Variants in ERP44 observed in about 807,000 individuals in gnomAD.
The protein encoded by ERP44 is endoplasmic reticulum protein 44.
In ERP44, 25 loss-of-function variants were observed where a neutral mutation model predicts 53.4. The observed-to-expected ratio is 0.47, with a 90% confidence interval of 0.34 to 0.65. The LOEUF is 0.65. Ranked by LOEUF, ERP44 falls within the 30% of genes least tolerant of loss-of-function variation. The pLI, the probability that ERP44 is intolerant of heterozygous loss-of-function variation, is 0.01. For synonymous variants in ERP44, 145 were observed against 161.2 expected (o/e 0.90, Z 0.76); for missense variants, 338 against 493.2 (o/e 0.69, Z 2.98).
chr9:100,098,791 A>G lies in ERP44; in HGVS notation c.50T>C (p.Leu17Pro), dbSNP rs1826699200. 1.2e-6 allele frequency: 2 copies of G among 1,613,744 alleles called. No individual in the cohort carries two copies. Among genetic ancestry groups the G allele is most frequent in the Non-Finnish European group, 8.5e-7 (1 of 1,179,682 alleles). ...LSLPDLRCSL[L>P]LLVTWVFTPV... ...TGTCATTCCCTCACTCACCAGGAGC[A>G]GAAGGGAGCATCTGAGGTCGGGTAA... Residue 17 changes from leucine (L) to proline (P), a missense_variant, in exon 1 of 12, where the codon CTG becomes CCG. Transcript: ENST00000262455.
intron 10 of ERP44, chr9:99,998,347 G>A: frequency 1.8e-6 from 1 of 555,010 alleles, no homozygotes; most frequent in Non-Finnish European, 3.3e-6. Flanking sequence ...CGAACCTTTT[G>A]CCTTGCAGTT....
In ERP44 at chr9:100,069,680, A is replaced by G. The variant is rs1005602475; in HGVS notation, c.58-9508T>C. ...ATAAGATTTCTTCGTTAAATAAGTCAAAATATGGTGCAGAAATGCTTGAGA... is the reference window on the plus strand; with the variant it reads ...ATAAGATTTCTTCGTTAAATAAGTCGAAATATGGTGCAGAAATGCTTGAGA... On this transcript the variant is annotated intron_variant, in intron 1 of 11. Transcript: ENST00000262455. Among the ~76,000 whole-genome samples the G allele has an allele frequency of 3.3e-5, 5 of 152,210 alleles. 1 individual carries two copies. The highest frequency in any genetic ancestry group is 4.8e-5 in the African/African-American group (2 of 41,454).
chr9:100,024,170 A>ACAACAG (rs1830626739), intron 4 of ERP44, among the ~76,000 whole-genome samples: 1 of 149,944 alleles, frequency 6.7e-6, no homozygotes, highest in Non-Finnish European at 1.5e-5. Flanking sequence ...AACAACAACA[A>ACAACAG]CAACAACAAC....
chr9:100,068,588 C>T (rs1321356583), intron 1 of ERP44, among the ~76,000 whole-genome samples: 2 of 145,524 alleles, frequency 1.4e-5, no homozygotes, highest in African/African-American at 5.1e-5. Flanking sequence ...GCCCCCAGCC[C>T]GGCCGGCTGC....
At chr9:100,011,196 A>C (rs1021430030) in intron 8 of ERP44, among the ~76,000 whole-genome samples, 8 of 152,182 alleles carry the variant, frequency 5.3e-5, no homozygotes, top group Non-Finnish European at 1.2e-4. Flanking sequence ...AAGCAGAGGG[A>C]GCTTAAATCC....
intron 1 of ERP44, among the ~76,000 whole-genome samples, chr9:100,076,657 C>A (rs952013046): frequency 6.6e-6 from 1 of 152,174 alleles, no homozygotes; most frequent in African/African-American, 2.4e-5. Flanking sequence ...TGGGGATGGT[C>A]AGTGACTTGG....
chr9:100,089,748 T>A (rs528235899), intron 1 of ERP44, among the ~76,000 whole-genome samples: 1 of 152,236 alleles, frequency 6.6e-6, no homozygotes, highest in South Asian at 2.1e-4. Context: ...CTGTGAACAG[T>A]ATATTTTATT....
intron 4 of ERP44, among the ~76,000 whole-genome samples, chr9:100,047,857 T>C (rs1825991705): frequency 6.6e-6 from 1 of 152,068 alleles, no homozygotes; most frequent in Non-Finnish European, 1.5e-5. Flanking sequence ...ATCTAGAATA[T>C]ACAAAGAACT....
intron 4 of ERP44, among the ~76,000 whole-genome samples, chr9:100,040,369 G>T (rs970486905): frequency 4.6e-5 from 7 of 152,098 alleles, no homozygotes; most frequent in African/African-American, 1.7e-4. Context: ...AACATATGCA[G>T]ATCAATCAAT....
At chr9:100,040,832 A>C (rs7026341) in intron 4 of ERP44, among the ~76,000 whole-genome samples, 28,631 of 152,186 alleles carry the variant, frequency 0.19, 4,271 homozygotes, top group African/African-American at 0.42. Context: ...AAATCAACTT[A>C]CAAAAATCAG....
intron 1 of ERP44, among the ~76,000 whole-genome samples, chr9:100,093,173 C>T (rs1587988066): frequency 1.3e-5 from 2 of 152,188 alleles, no homozygotes; most frequent in East Asian, 3.8e-4. Context: ...TATTAAAAAT[C>T]ACAGTATACA....
chr9:100,031,255 A>G (rs964915924), intron 4 of ERP44, among the ~76,000 whole-genome samples: 2 of 152,202 alleles, frequency 1.3e-5, no homozygotes, highest in Admixed American at 1.3e-4. Flanking sequence ...TGACCTTGTA[A>G]GAATGGGTCA....
rs1830151434 is a variant in ERP44 at position 99,981,778 on chromosome 9, A to G, written c.*834T>C. 6.6e-6 allele frequency: 1 copy of G among 152,222 alleles called. No individual in the cohort carries two copies. The highest frequency in any genetic ancestry group is 1.5e-5 in the Non-Finnish European group (1 of 68,030). 9.4% of individuals were successfully genotyped at this position (152,222 alleles called of 1,614,324 possible). ...AGAAGGAGCTTAAAATTACTGAAAT[A>G]CAATTTCTCTGCTAGTTCTTCTCTT... On this transcript the variant is annotated 3_prime_UTR_variant, in exon 12 of 12. Coordinates refer to ENST00000262455, the MANE Select transcript of ERP44 (RefSeq NM_015051.3).
At chr9:100,005,030 T>C (rs1830414090) in intron 10 of ERP44, among the ~76,000 whole-genome samples, 1 of 152,204 alleles carries the variant, frequency 6.6e-6, no homozygotes, top group Non-Finnish European at 1.5e-5. Context: ...CTCTTCATGG[T>C]TTTCAGGATA....
intron 4 of ERP44, among the ~76,000 whole-genome samples, chr9:100,044,152 AAAT>A (rs574161411): frequency 1.3e-3 from 195 of 152,306 alleles, no homozygotes; most frequent in Non-Finnish European, 2.1e-3. Flanking sequence ...CATTTTTGGA[AAAT>A]AATGATAACT....
At chr9:99,998,058 G>A (rs972048198) in intron 10 of ERP44, among the ~76,000 whole-genome samples, 1 of 152,054 alleles carries the variant, frequency 6.6e-6, no homozygotes, top group Non-Finnish European at 1.5e-5. Context: ...TTTCTGTTTT[G>A]GCTAAACAAC....
chr9:100,030,466 T>C (rs552582346), intron 4 of ERP44, among the ~76,000 whole-genome samples: 105 of 152,108 alleles, frequency 6.9e-4, no homozygotes, highest in Non-Finnish European at 1.2e-3. Flanking sequence ...AAAGAGTGGG[T>C]TAAAGGCCCC....
intron 1 of ERP44, among the ~76,000 whole-genome samples, chr9:100,079,774 A>C (rs1477013458): frequency 6.6e-6 from 1 of 151,970 alleles, no homozygotes; most frequent in African/African-American, 2.4e-5. Flanking sequence ...CTCTCACTGT[A>C]AACATAAAAA....
chr9:100,039,533 A>C (rs1355234593), intron 4 of ERP44, among the ~76,000 whole-genome samples: 1 of 152,156 alleles, frequency 6.6e-6, no homozygotes, highest in Non-Finnish European at 1.5e-5. Context: ...CAGCAAAAGT[A>C]GAACTAAGAG....
Sources: gnomAD v4.1 joint callset for allele counts (sites outside exome capture counted in the v4.1 genomes callset) on GRCh38, gnomAD v4.1.1 for gene constraint, MANE v1.5 for transcripts, NCBI Gene and HGNC (gene_info 2026-07-23, HGNC 2026-07-21) for gene names.